ANKS1B: variants seen among roughly 807,000 people sequenced by gnomAD.
The protein encoded by ANKS1B is ankyrin repeat and sterile alpha motif domain containing 1B, also known as ankyrin repeat and sterile alpha motif domain-containing protein 1B.
A neutral mutation model predicts 148.3 loss-of-function variants in ANKS1B; 36 were observed. The observed-to-expected ratio is 0.24, with a 90% CI of 0.19 to 0.32. ANKS1B has a LOEUF of 0.32. Among genes scored for constraint, ANKS1B ranks in the 10% least tolerant of loss-of-function variants. ANKS1B has a pLI of 1.00. For missense variants in ANKS1B, 1,157 were observed against 1,542.6 expected (o/e 0.75, Z 4.19); for synonymous variants, 542 against 560.8 (o/e 0.97, Z 0.47).
In ANKS1B at chr12:99,787,753, G is replaced by A. The variant is rs887939521; in HGVS notation, c.670-5656C>T. On this transcript the variant is annotated intron_variant, in intron 4 of 26. Coordinates refer to ENST00000683438, the MANE Select transcript of ANKS1B (RefSeq NM_001352186.2). The stretch of plus-strand genomic sequence containing the variant: ...GAAGAGAAAGTCTTGAATCACGGGC[G>A]CTGCCCCTCTCCCATTCCATGGCAG... Among the ~76,000 whole-genome samples, 39 of 152,322 alleles carry A rather than the reference G, an allele frequency of 2.6e-4. 1 individual carries two copies. The South Asian group carries it at 2.9e-3, about 11-fold the overall frequency.
intron 12 of ANKS1B, among the ~76,000 whole-genome samples, chr12:99,252,382 T>G (rs1224857642): frequency 6.6e-6 from 1 of 152,220 alleles, no homozygotes; most frequent in African/African-American, 2.4e-5. Context: ...CAGCATAGTG[T>G]TCTTTTTAAA....
chr12:99,756,155 T>C (rs2061546264), intron 8 of ANKS1B, among the ~76,000 whole-genome samples: 1 of 142,422 alleles, frequency 7.0e-6, no homozygotes, highest in Non-Finnish European at 1.5e-5. Flanking sequence ...AGTAAAACCA[T>C]CCCTGTTTGC....
intron 17 of ANKS1B, among the ~76,000 whole-genome samples, chr12:99,052,734 C>CA (rs56965572): frequency 0.019 from 498 of 25,900 alleles, 60 homozygotes; most frequent in South Asian, 0.038. Context: ...GACTCCGTCT[C>CA]AAAAAAAAAA....
chr12:98,853,347 G>C (rs1422183133), intron 17 of ANKS1B, among the ~76,000 whole-genome samples: 2 of 152,210 alleles, frequency 1.3e-5, no homozygotes, highest in Non-Finnish European at 2.9e-5. Flanking sequence ...CTGGGGAGCA[G>C]GAATTATATG....
intron 17 of ANKS1B, among the ~76,000 whole-genome samples, chr12:98,964,358 G>A (rs1253544545): frequency 1.3e-5 from 2 of 152,172 alleles, no homozygotes; most frequent in African/African-American, 4.8e-5. Flanking sequence ...GGGAATGTAA[G>A]TTGGTACAAC....
chr12:99,504,528 A>T lies in ANKS1B; in HGVS notation c.1386T>A (p.Val462=). The T allele has an allele frequency of 7.4e-6, 12 of 1,612,820 alleles. No individual in the cohort carries two copies. Among genetic ancestry groups the T allele is most frequent in the Non-Finnish European group, 1.0e-5 (12 of 1,179,500 alleles). ...TTTCTAAGGAGCAAGGTTTCTTTGT[A>T]ACAGCTGTGTCCATGAGATCACACA... ...NFLCDLMDTA[V]TKKPCSLEIA... is the part of the protein sequence containing the mutation. Residue 462 remains valine, a synonymous_variant, in exon 10 of 27, where the codon GTT becomes GTA. Coordinates refer to ENST00000683438, the MANE Select transcript of ANKS1B (RefSeq NM_001352186.2).
intron 9 of ANKS1B, among the ~76,000 whole-genome samples, chr12:99,651,256 C>T (rs1028509229): frequency 6.6e-6 from 1 of 152,162 alleles, no homozygotes; most frequent in African/African-American, 2.4e-5. Flanking sequence ...AAAAACATTT[C>T]ACAGGTTAGA....
chr12:98,866,233 C>T (rs2099624052), intron 17 of ANKS1B, among the ~76,000 whole-genome samples: 1 of 152,210 alleles, frequency 6.6e-6, no homozygotes, highest in Non-Finnish European at 1.5e-5. Flanking sequence ...CGAGCAGTCA[C>T]AGCACTTCTG....
intron 10 of ANKS1B, among the ~76,000 whole-genome samples, chr12:99,491,334 T>C (rs1410408411): frequency 6.6e-6 from 1 of 152,088 alleles, no homozygotes; most frequent in African/African-American, 2.4e-5. Context: ...ATTGTTAGTA[T>C]GTGCTGAAAT....
chr12:99,164,178 T>C (rs1485460138), intron 14 of ANKS1B, among the ~76,000 whole-genome samples: 1 of 152,002 alleles, frequency 6.6e-6, no homozygotes, highest in Non-Finnish European at 1.5e-5. Context: ...TTTGTTGGAC[T>C]TTTTATCAAT....
chr12:99,616,001 C>G (rs1416324683), intron 9 of ANKS1B, among the ~76,000 whole-genome samples: 1 of 151,998 alleles, frequency 6.6e-6, no homozygotes, highest in Admixed American at 6.6e-5. Context: ...CAATAATAGA[C>G]AAGCAGAGAG....
chr12:99,781,904 T>C (rs1303740609), intron 5 of ANKS1B, 118 bp downstream of exon 5: 1 of 831,218 alleles, frequency 1.2e-6, no homozygotes, highest in Non-Finnish European at 1.9e-6. Context: ...ATATCTGCAT[T>C]TTAGAGTAAA....
At chr12:99,303,002 T>G (rs1025164123) in intron 12 of ANKS1B, among the ~76,000 whole-genome samples, 1 of 152,156 alleles carries the variant, frequency 6.6e-6, no homozygotes, top group Non-Finnish European at 1.5e-5. Flanking sequence ...TTGGCTTTTA[T>G]GAAATGTGCA....
At chr12:98,790,628 T>C (rs190001588) in intron 22 of ANKS1B, among the ~76,000 whole-genome samples, 120 of 152,256 alleles carry the variant, frequency 7.9e-4, no homozygotes, top group Non-Finnish European at 1.5e-3. Flanking sequence ...CGGCCAGCTG[T>C]TATTGTTATT....
chr12:99,980,206 C>T (rs1432979303), intron 1 of ANKS1B, among the ~76,000 whole-genome samples: 2 of 151,434 alleles, frequency 1.3e-5, no homozygotes, highest in African/African-American at 4.8e-5. Flanking sequence ...TCAACATGAG[C>T]CAACACCATT....
At chr12:99,283,474 A>G (rs768538976) in intron 12 of ANKS1B, among the ~76,000 whole-genome samples, 50 of 152,172 alleles carry the variant, frequency 3.3e-4, no homozygotes, top group Admixed American at 6.6e-5. Context: ...GTGAGGAGTC[A>G]GGTTTAAAGG....
At chr12:99,360,728 C>G (rs2092397708) in intron 12 of ANKS1B, among the ~76,000 whole-genome samples, 1 of 152,038 alleles carries the variant, frequency 6.6e-6, no homozygotes, top group Non-Finnish European at 1.5e-5. Context: ...AACAACTGAC[C>G]CACGCCAAGC....
chr12:98,794,812 T>C (rs1193910325), intron 22 of ANKS1B: 26 of 1,570,136 alleles, frequency 1.7e-5, no homozygotes, highest in Non-Finnish European at 2.0e-5. Flanking sequence ...AATGAACAGA[T>C]TGAAGAAAAA....
intron 17 of ANKS1B, among the ~76,000 whole-genome samples, chr12:98,920,959 T>C (rs1335196913): frequency 3.3e-5 from 5 of 152,220 alleles, no homozygotes; most frequent in Admixed American, 6.5e-5. Context: ...CAAATTTCAA[T>C]TTTCAAACAA....
Sources: allele counts gnomAD v4.1 joint callset (sites outside exome capture counted in the v4.1 genomes callset), GRCh38; gene constraint gnomAD v4.1.1; transcripts MANE v1.5; gene names NCBI Gene and HGNC (gene_info 2026-07-23, HGNC 2026-07-21).